The following ASIC3 variants were observed in gnomAD, a reference collection of about 807,000 sequenced individuals.
ASIC3 encodes the protein acid-sensing ion channel 3.
Under a neutral mutation model 58.6 loss-of-function variants are expected in ASIC3, and 46 were observed. The ratio of observed to expected loss-of-function variants is 0.79; its 90% CI spans 0.62 to 1.00. The LOEUF (loss-of-function observed/expected upper bound fraction) is 1.00, where lower values mean the gene tolerates loss of function less well. Among genes scored for constraint, ASIC3 ranks in the 50% least tolerant of loss-of-function variants. The pLI is 0.00. For synonymous variants in ASIC3, 336 were observed against 300.2 expected, an observed-to-expected ratio of 1.12 and a Z score of -1.23; for missense variants, 770 against 735.0, an observed-to-expected ratio of 1.05 and a Z score of -0.55.
At chr7:151,051,349 C>T (rs1231078627) in intron 6 of ASIC3, 30 bp downstream of exon 6, 1 of 1,448,542 alleles carries the variant, frequency 6.9e-7, no homozygotes, top group Non-Finnish European at 9.0e-7. Context: ...CGGGCTCCTC[C>T]GAGCCGGGGG....
Position 151,050,255 on chromosome 7 carries a change from T to C in ASIC3, c.684T>C (p.Asn228=). Residue 228 remains asparagine, a splice_region_variant and synonymous_variant, in exon 2 of 11, where the codon AAT becomes AAC. Transcript: ENST00000349064. ...QEEYLPVWRD[N]EETPFEVGIR... is the part of the protein sequence containing the mutation. The stretch of plus-strand genomic sequence containing the variant: ...AATATCTACCTGTGTGGAGGGACAA[T>C]GGTAGGGAGCACACAAATGAGGCTG... The C allele has an allele frequency of 6.2e-7, 1 of 1,611,190 alleles. No homozygotes were observed. The highest frequency in any genetic ancestry group is 8.5e-7 in the Non-Finnish European group (1 of 1,177,964).
Position 151,049,242 on chromosome 7 carries a change from C to T in ASIC3, c.357C>T (p.Pro119=), listed in dbSNP as rs116500016. ...GGTCTGCGCTGCTGGGCCTGGATCC[C>T]GCAGAGCACGCCGCCTTCCTGCGCG... is the stretch of plus-strand genomic sequence containing the variant. ...WAGSALLGLD[P]AEHAAFLRAL... Residue 119 remains proline, a synonymous_variant, in exon 1 of 11, where the codon CCC becomes CCT. Coordinates refer to ENST00000349064, the MANE Select transcript of ASIC3 (RefSeq NM_004769.4). 8.3e-5 allele frequency: 133 copies of T among 1,612,100 alleles called. No individual in the cohort carries two copies. The East Asian group carries it at 2.0e-3, about 25-fold the overall frequency.
In ASIC3 at chr7:151,051,035, G is replaced by A. The variant is rs752575430; in HGVS notation, c.1010-4G>A. ...TTCTAAAGCCATCTCCCCGGTACCC[G>A]CAGGCGACGTGCCAGTGTGCAGCCC... is the stretch of plus-strand genomic sequence containing the variant. On this transcript the variant is annotated splice_polypyrimidine_tract_variant and splice_region_variant and intron_variant, in intron 4 of 10. Transcript: ENST00000349064. 1 of 1,613,256 alleles carries A rather than the reference G, an allele frequency of 6.2e-7. No homozygotes were observed. Among genetic ancestry groups the A allele is most frequent in the Non-Finnish European group, 8.5e-7 (1 of 1,180,002 alleles).
chr7:151,049,952 C>A, intron 1 of ASIC3, 154 bp from the exon 2 acceptor site: 1 of 975,036 alleles, frequency 1.0e-6, no homozygotes, highest in Non-Finnish European at 1.5e-6. Context: ...GAGCGTCCTG[C>A]AACATGTGCC....
Position 151,050,208 on chromosome 7 carries a change from A to C in ASIC3, c.637A>C (p.Met213Leu). 6.2e-7 allele frequency: 1 copy of C among 1,614,098 alleles called. No individual in the cohort carries two copies. Among genetic ancestry groups the C allele is most frequent in the South Asian group, 1.1e-5 (1 of 91,082 alleles). ...TGGCATGGGCAATGGGCTGGACATCATGCTGGACGTGCAGCAGGAGGAATA... is the reference window on the plus strand; with the variant it reads ...TGGCATGGGCAATGGGCTGGACATCCTGCTGGACGTGCAGCAGGAGGAATA... ...RGGMGNGLDI[M>L]LDVQQEEYLP... Residue 213 changes from methionine (M) to leucine (L), a missense_variant, in exon 2 of 11, where the codon ATG becomes CTG. Physicochemically the swap from Met to Leu is conservative, Grantham distance 15. Coordinates refer to ENST00000349064, the MANE Select transcript of ASIC3 (RefSeq NM_004769.4).
At position 151,050,206 on chromosome 7, in the gene ASIC3, T is replaced by A; in HGVS notation, c.635T>A (p.Ile212Asn). ...GGTGGCATGGGCAATGGGCTGGACA[T>A]CATGCTGGACGTGCAGCAGGAGGAA... Reference protein sequence around the residue: ...TRGGMGNGLDIMLDVQQEEYL... With the variant: ...TRGGMGNGLDNMLDVQQEEYL... Residue 212 changes from isoleucine to asparagine, a missense_variant, in exon 2 of 11, where the codon ATC becomes AAC. By Grantham distance (149) the Ile-to-Asn change is moderately radical. Coordinates refer to ENST00000349064, the MANE Select transcript of ASIC3 (RefSeq NM_004769.4). The A allele has an allele frequency of 6.2e-7, 1 of 1,614,032 alleles. No homozygotes were observed. Among genetic ancestry groups the A allele is most frequent in the African/African-American group, 1.3e-5 (1 of 75,008 alleles).
At position 151,049,193 on chromosome 7, in the gene ASIC3, C is replaced by G. The variant is rs200735941; in HGVS notation, c.308C>G (p.Thr103Arg). 6 of 1,613,376 alleles carry G rather than the reference C, an allele frequency of 3.7e-6. No homozygotes were observed. Among genetic ancestry groups the G allele is most frequent in the Non-Finnish European group, 5.1e-6 (6 of 1,179,766 alleles). Residue 103 changes from threonine to arginine, a missense_variant, in exon 1 of 11, where the codon ACG (threonine) becomes AGG (arginine). Physicochemically the swap from Thr to Arg is moderately conservative, Grantham distance 71. Coordinates refer to ENST00000349064, the MANE Select transcript of ASIC3 (RefSeq NM_004769.4). ...NINPLRRSRL[T>R]PNDLHWAGSA... ...AACCCACTGCGCCGCTCGCGCCTAA[C>G]GCCCAACGACCTGCACTGGGCTGGG...
Position 151,050,056 on chromosome 7 carries a change from C to T in ASIC3, c.535-50C>T, listed in dbSNP as rs774456289. Reference sequence around the variant, plus strand: ...CATGAGGTGGGGAGAGGTCCCATGACCATGTGCCTGCCTGGGGGAGATGGC... The same window carrying T: ...CATGAGGTGGGGAGAGGTCCCATGATCATGTGCCTGCCTGGGGGAGATGGC... On this transcript the variant is annotated intron_variant, in intron 1 of 10. Transcript: ENST00000349064. 13 of 1,612,220 alleles carry T rather than the reference C, an allele frequency of 8.1e-6. No individual in the cohort carries two copies. In the Admixed American group the frequency reaches 8.3e-5, roughly 10 times the overall value.
intron 3 of ASIC3, 54 bp from the exon 4 acceptor site, chr7:151,050,704 C>T (rs1162111018): frequency 6.2e-7 from 1 of 1,605,534 alleles, no homozygotes; most frequent in Non-Finnish European, 8.5e-7. Flanking sequence ...GGGCCTCTCC[C>T]CAGCTGGCCT....
rs1796810474 is a variant in ASIC3, at chr7:151,052,575, C to T, written c.1519C>T (p.Pro507Ser). 4 of 1,613,856 alleles carry T rather than the reference C, an allele frequency of 2.5e-6. No individual in the cohort carries two copies. The highest frequency in any genetic ancestry group is 3.4e-6 in the Non-Finnish European group (4 of 1,179,882). ...CCAGCACTCTGCTCTGTTCCGAAGA[C>T]CTCCCACCCCTCCCTGTGCCGTCAC... Reference protein sequence around the residue: ...QVPHLSLGPRPPTPPCAVTKT... With the variant: ...QVPHLSLGPRSPTPPCAVTKT... Residue 507 changes from proline (P) to serine (S), a missense_variant and splice_region_variant, in exon 11 of 11, where the codon CCT (proline) becomes TCT (serine). By Grantham distance (74) the Pro-to-Ser change is moderately conservative. Transcript: ENST00000349064. The surrounding 1 kb of genome is among the most constrained non-coding windows in gnomAD (Gnocchi z 5.0).
In ASIC3 at chr7:151,051,111, C is replaced by A; in HGVS notation, c.1066+16C>A. ...CCGGCCATAGGTAAGGGCGAGCCTC[C>A]CCCACCTCCCGTCCGCCCCGCTCCG... On this transcript the variant is annotated intron_variant, in intron 5 of 10. Transcript: ENST00000349064. 1 of 1,608,226 alleles carries A rather than the reference C, an allele frequency of 6.2e-7. No homozygotes were observed. Among genetic ancestry groups the A allele is most frequent in the Non-Finnish European group, 8.5e-7 (1 of 1,178,778 alleles).
In ASIC3 at chr7:151,052,489, C is replaced by T. The variant is rs1289163028; in HGVS notation, c.1517+15C>T. On this transcript the variant is annotated intron_variant, in intron 10 of 10. Transcript: ENST00000349064. This position sits in a 1 kb window ranked among gnomAD's most constrained non-coding sequence, Gnocchi z 5.0. ...CTGGGCCCCAGGTAACACATAATGG[C>T]CCCCTAAAATCAAGGGAGGGCAGGG... 6.2e-7 allele frequency: 1 copy of T among 1,614,028 alleles called. No homozygotes were observed. Among genetic ancestry groups the T allele is most frequent in the Non-Finnish European group, 8.5e-7 (1 of 1,179,950 alleles).
At position 151,050,749 on chromosome 7, in the gene ASIC3, C is replaced by A. The variant is rs1796751168; in HGVS notation, c.814-9C>A. ...TCCGGGAAGCCTCCTTAACCCTGTC[C>A]CCCCACAGCTGAGCTTCCTGCCACC... is the stretch of plus-strand genomic sequence containing the variant. On this transcript the variant is annotated splice_polypyrimidine_tract_variant and intron_variant, in intron 3 of 10. Transcript: ENST00000349064. The A allele has an allele frequency of 6.2e-7, 1 of 1,612,420 alleles. No homozygotes were observed. Among genetic ancestry groups the A allele is most frequent in the Non-Finnish European group, 8.5e-7 (1 of 1,179,354 alleles).
At position 151,051,900 on chromosome 7, in the gene ASIC3, T is replaced by A; in HGVS notation, c.1305T>A (p.Leu435=). Reference sequence around the variant, plus strand: ...AGGCCTATGAGATGTCAGAGCTGCTTGGTGTGTGTGCAGGGCCCCCAGGGC... The same window carrying A: ...AGGCCTATGAGATGTCAGAGCTGCTAGGTGTGTGTGCAGGGCCCCCAGGGC... ...QKKAYEMSEL[L]GDIGGQMGLF... Residue 435 remains leucine (L), a splice_region_variant and synonymous_variant, in exon 7 of 11, where the codon CTT becomes CTA. Transcript: ENST00000349064. 6.2e-7 allele frequency: 1 copy of A among 1,612,788 alleles called. No individual in the cohort carries two copies. The highest frequency in any genetic ancestry group is 8.5e-7 in the Non-Finnish European group (1 of 1,179,716).
At position 151,050,556 on chromosome 7, in the gene ASIC3, G is replaced by T; in HGVS notation, c.761G>T (p.Gly254Val). The T allele has an allele frequency of 6.2e-7, 1 of 1,614,060 alleles. No individual in the cohort carries two copies. The highest frequency in any genetic ancestry group is 8.5e-7 in the Non-Finnish European group (1 of 1,179,980). ...QEEPPIIDQLGLGVSPGYQTF... is the reference protein window; with the variant it reads ...QEEPPIIDQLVLGVSPGYQTF... ...GAGCCGCCCATCATCGATCAGCTGG[G>T]CTTGGGGGTGTCCCCGGGCTACCAG... is the stretch of plus-strand genomic sequence containing the variant. Residue 254 changes from glycine (G) to valine (V), a missense_variant, in exon 3 of 11, where the codon GGC becomes GTC. By Grantham distance (109) the Gly-to-Val change is moderately radical (BLOSUM62 -3). Transcript: ENST00000349064.
In ASIC3 at chr7:151,052,700, C is replaced by T. The variant is rs778659760; in HGVS notation, c.*48C>T. The T allele has an allele frequency of 1.5e-5, 24 of 1,614,026 alleles. No homozygotes were observed. The highest frequency in any genetic ancestry group is 1.5e-5 in the Non-Finnish European group (18 of 1,180,004). On this transcript the variant is annotated 3_prime_UTR_variant, in exon 11 of 11. Transcript: ENST00000349064. The surrounding 1 kb of genome is among the most constrained non-coding windows in gnomAD (Gnocchi z 5.0). ...GCCCCGCCCTGACATCCTGGACATG[C>T]CTAGCCTGCACGTAGCTTTTCCGTC...
chr7:151,050,723 C>T, intron 3 of ASIC3, 35 bp from the exon 4 acceptor site: 1 of 1,608,674 alleles, frequency 6.2e-7, no homozygotes, highest in Non-Finnish European at 8.5e-7. Context: ...CTCTCACGCT[C>T]TCCGGGAAGC....
chr7:151,051,767 C>T (rs1173850556), intron 6 of ASIC3, 43 bp from the exon 7 acceptor site: 3 of 1,597,328 alleles, frequency 1.9e-6, no homozygotes, highest in African/African-American at 1.3e-5. Context: ...CAGTGGGCAC[C>T]AGGCGGTGGC....
chr7:151,052,404 G>C lies in ASIC3; in HGVS notation c.1459-12G>C. On this transcript the variant is annotated splice_polypyrimidine_tract_variant and intron_variant, in intron 9 of 10. Coordinates refer to ENST00000349064, the MANE Select transcript of ASIC3 (RefSeq NM_004769.4). The surrounding 1 kb of genome is among the most constrained non-coding windows in gnomAD (Gnocchi z 5.0). ...ACCACTCCCCACCTCTGACCCTCTCGTCCTCACACAGCTTCAGGAAGGGCT... is the reference window on the plus strand; with the variant it reads ...ACCACTCCCCACCTCTGACCCTCTCCTCCTCACACAGCTTCAGGAAGGGCT... The C allele has an allele frequency of 1.9e-6, 3 of 1,613,926 alleles. No homozygotes were observed. The highest frequency in any genetic ancestry group is 2.5e-6 in the Non-Finnish European group (3 of 1,179,974).
Sources: allele counts gnomAD v4.1 joint callset, GRCh38; gene constraint gnomAD v4.1.1; non-coding constraint Gnocchi (gnomAD v3.1); transcripts MANE v1.5; gene names NCBI Gene and HGNC (gene_info 2026-07-23, HGNC 2026-07-21).